PLCG2: variants seen among roughly 807,000 people sequenced by gnomAD.
PLCG2 encodes the protein phospholipase C gamma 2, also known as 1-phosphatidylinositol 4,5-bisphosphate phosphodiesterase gamma-2.
PLCG2 carries 69 observed loss-of-function variants against 175.6 expected under a neutral mutation model. The ratio of observed to expected loss-of-function variants is 0.39; its 90% CI spans 0.32 to 0.48. The LOEUF (loss-of-function observed/expected upper bound fraction) is 0.48. PLCG2 is among the 20% of genes least tolerant of loss of function. The pLI, the probability that PLCG2 is intolerant of heterozygous loss-of-function variation, is 0.91. For synonymous variants in PLCG2, 827 were observed against 624.0 expected (o/e 1.33, Z -4.85); for missense variants, 1,798 against 1,650.9 (o/e 1.09, Z -1.54).
chr16:81,785,709 C>G (rs772661744), intron 1 of PLCG2: 3 of 299,198 alleles, frequency 1.0e-5, no homozygotes, highest in Non-Finnish European at 1.9e-5. Flanking sequence ...TCAAAGCCCA[C>G]GTAACGGTTG....
intron 2 of PLCG2, among the ~76,000 whole-genome samples, chr16:81,769,016 G>GT (rs1910215028): frequency 6.6e-6 from 1 of 152,166 alleles, no homozygotes; most frequent in African/African-American, 2.4e-5. Flanking sequence ...CTGACATGTG[G>GT]TAGGTGCTCA....
chr16:81,822,640 C>G (rs567569275), intron 2 of PLCG2, among the ~76,000 whole-genome samples: 1 of 151,240 alleles, frequency 6.6e-6, no homozygotes, highest in Non-Finnish European at 1.5e-5. Flanking sequence ...ACCTGTAATC[C>G]CAGCTACTCA....
chr16:81,891,590 C>T lies in PLCG2; in HGVS notation c.986C>T (p.Thr329Met). 6.5e-7 allele frequency: 1 copy of T among 1,545,186 alleles called. No homozygotes were observed. Among genetic ancestry groups the T allele is most frequent in the Non-Finnish European group, 8.9e-7 (1 of 1,117,618 alleles). Residue 329 changes from threonine to methionine, a missense_variant and splice_region_variant, in exon 11 of 33, where the codon ACG becomes ATG. Coordinates refer to ENST00000564138, the MANE Select transcript of PLCG2 (RefSeq NM_002661.5). ...TACTGGATCTCCTCGTCACATAACA[C>T]GTGAGTTTCAGATGAGCCTGTGATG... ...SHYWISSSHN[T>M]YLTGDQLRSE... is the part of the protein sequence containing the mutation.
At chr16:81,808,240 T>G (rs1185068696) in intron 2 of PLCG2, among the ~76,000 whole-genome samples, 1 of 152,190 alleles carries the variant, frequency 6.6e-6, no homozygotes, top group African/African-American at 2.4e-5. Context: ...CACCAGCCTG[T>G]TTTCCAACGG....
At chr16:81,948,498 G>T (rs1382784261) in intron 31 of PLCG2, among the ~76,000 whole-genome samples, 1 of 152,136 alleles carries the variant, frequency 6.6e-6, no homozygotes, top group Non-Finnish European at 1.5e-5. Flanking sequence ...GGGTGGAGAG[G>T]CCCTTCTTTA....
Position 81,934,517 on chromosome 16 carries a change from C to T in PLCG2, c.2828C>T (p.Thr943Ile), listed in dbSNP as rs771302628. ...LVVYCKPTSK[T>I]KDNLENPDFR... The stretch of plus-strand genomic sequence containing the variant: ...GTCTACTGCAAACCAACCAGCAAAA[C>T]CAAGGACAACTTAGGTAACATCTTT... Residue 943 changes from threonine (T) to isoleucine (I), a missense_variant, in exon 26 of 33, where the codon ACC becomes ATC. By Grantham distance (89) the Thr-to-Ile change is moderately conservative (BLOSUM62 -1). Coordinates refer to ENST00000564138, the MANE Select transcript of PLCG2 (RefSeq NM_002661.5). 1 of 1,605,780 alleles carries T rather than the reference C, an allele frequency of 6.2e-7. No individual in the cohort carries two copies. Among genetic ancestry groups the T allele is most frequent in the Non-Finnish European group, 8.5e-7 (1 of 1,172,598 alleles).
At position 81,893,703 on chromosome 16, in the gene PLCG2, C is replaced by A. The variant is rs1908747736; in HGVS notation, c.987-6C>A. ...CTCACACGGCCACCTGCCTTCTCTC[C>A]TGCAGGTACCTTACAGGTGACCAGC... On this transcript the variant is annotated splice_polypyrimidine_tract_variant and splice_region_variant and intron_variant, in intron 11 of 32. Coordinates refer to ENST00000564138, the MANE Select transcript of PLCG2 (RefSeq NM_002661.5). 1 of 1,600,102 alleles carries A rather than the reference C, an allele frequency of 6.2e-7. No individual in the cohort carries two copies. Among genetic ancestry groups the A allele is most frequent in the Non-Finnish European group, 8.6e-7 (1 of 1,168,698 alleles).
rs372054297 is a variant in PLCG2 at position 81,870,868 on chromosome 16, A to G, written c.581A>G (p.Lys194Arg). ...TATTTACAGGAAATAGGAGCACACAAAGATGAGCTCAGCTTTGAACAGTTC... is the reference window on the plus strand; with the variant it reads ...TATTTACAGGAAATAGGAGCACACAGAGATGAGCTCAGCTTTGAACAGTTC... Reference protein sequence around the residue: ...KDKFVEIGAHKDELSFEQFHL... With the variant: ...KDKFVEIGAHRDELSFEQFHL... The change falls in exon 7 of 33, where the codon AAA (lysine) becomes AGA (arginine). Residue 194 changes from lysine (K) to arginine (R), a missense_variant. By Grantham distance (26) the Lys-to-Arg change is conservative. Transcript: ENST00000564138. The G allele has an allele frequency of 3.8e-6, 6 of 1,596,612 alleles. No homozygotes were observed. Among genetic ancestry groups the G allele is most frequent in the Non-Finnish European group, 5.1e-6 (6 of 1,170,270 alleles).
At position 81,958,026 on chromosome 16, in the gene PLCG2, G is replaced by T. The variant is rs200846103; in HGVS notation, c.*28G>T. ...GCTGGGGTATGTGTGTAAGGGTATT[G>T]TGTGTGTGCGCATGTGTGTTTGCAT... On this transcript the variant is annotated 3_prime_UTR_variant, in exon 33 of 33. Coordinates refer to ENST00000564138, the MANE Select transcript of PLCG2 (RefSeq NM_002661.5). 11 of 1,528,198 alleles carry T rather than the reference G, an allele frequency of 7.2e-6. No homozygotes were observed. The highest frequency in any genetic ancestry group is 1.7e-5 in the Admixed American group (1 of 59,852). The allele number at this position is 1,528,198 out of a possible 1,614,324, so 94.7% of individuals were successfully genotyped here. A position where few individuals can be genotyped will look rare whatever the true frequency, so the allele number is the denominator to read the frequency against.
At chr16:81,806,120 C>T (rs1293955207) in intron 2 of PLCG2, among the ~76,000 whole-genome samples, 1 of 147,090 alleles carries the variant, frequency 6.8e-6, no homozygotes, top group Non-Finnish European at 1.5e-5. Flanking sequence ...CTTCAAAATC[C>T]AGTGTGTGTT....
rs1908861416 is a variant in PLCG2, at chr16:81,895,872, A to G, written c.1138A>G (p.Ile380Val). The stretch of plus-strand genomic sequence containing the variant: ...CCATGGCTGGACGCGGACTACCAAG[A>G]TCAAGTTTGACGACGTCGTGCAGGC... The part of the protein sequence containing the change: ...IYHGWTRTTK[I>V]KFDDVVQAIK... Residue 380 changes from isoleucine (I) to valine (V), a missense_variant, in exon 13 of 33, where the codon ATC (isoleucine) becomes GTC (valine). Physicochemically the swap from Ile to Val is conservative, Grantham distance 29. Transcript: ENST00000564138. The G allele has an allele frequency of 8.1e-6, 13 of 1,613,972 alleles. No homozygotes were observed. The highest frequency in any genetic ancestry group is 1.1e-5 in the Non-Finnish European group (13 of 1,179,994).
Position 81,946,181 on chromosome 16 carries a change from G to C in PLCG2, c.3488G>C (p.Arg1163Thr). The change falls in exon 31 of 33, where the codon AGG becomes ACG. Residue 1163 changes from arginine (R) to threonine (T), a missense_variant. Coordinates refer to ENST00000564138, the MANE Select transcript of PLCG2 (RefSeq NM_002661.5). ...YPIKAVKSGF[R>T]SVPLKNGYSE... ...CCTCCTTGTTCTGCTTCAGGATTCAGGTCCGTTCCTCTGAAGAATGGGTAC... is the reference window on the plus strand; with the variant it reads ...CCTCCTTGTTCTGCTTCAGGATTCACGTCCGTTCCTCTGAAGAATGGGTAC... The C allele has an allele frequency of 6.2e-7, 1 of 1,613,346 alleles. No individual in the cohort carries two copies. The highest frequency in any genetic ancestry group is 8.5e-7 in the Non-Finnish European group (1 of 1,179,358).
At position 81,877,328 on chromosome 16, in the gene PLCG2, T is replaced by A. The variant is rs549355899; in HGVS notation, c.649-3582T>A. ...AAAATTAGCTGGGCATAGTGGCGGG[T>A]GCCTGTAGTCCCAGCTACTTGGGAG... On this transcript the variant is annotated intron_variant, in intron 7 of 32. Coordinates refer to ENST00000564138, the MANE Select transcript of PLCG2 (RefSeq NM_002661.5). Among the ~76,000 whole-genome samples, 1,397 of 149,718 alleles carry A rather than the reference T, an allele frequency of 9.3e-3. 13 individuals carry two copies. Among genetic ancestry groups the A allele is most frequent in the Middle Eastern group, 0.045 (13 of 288 alleles).
At chr16:81,878,770 A>T (rs531978618) in intron 7 of PLCG2, among the ~76,000 whole-genome samples, 2 of 152,266 alleles carry the variant, frequency 1.3e-5, no homozygotes, top group Admixed American at 1.3e-4. Context: ...TTGATGTTGT[A>T]ACTTGCCTTT....
rs115272877 is a variant in PLCG2 at position 81,746,185 on chromosome 16, G to A, written c.-145+6800G>A. On this transcript the variant is annotated intron_variant, in intron 1 of 5. Coordinates refer to the PLCG2 transcript ENST00000565054. Reference sequence around the variant, plus strand: ...AGGGCACTGTGGCACAAACAAGGCCGGCCTGCTGGATAAAGGGAGGTAGAA... The same window carrying A: ...AGGGCACTGTGGCACAAACAAGGCCAGCCTGCTGGATAAAGGGAGGTAGAA... 7.2e-3 allele frequency among the ~76,000 whole-genome samples: 1,104 copies of A among 152,292 alleles called. 8 individuals carry two copies. Among genetic ancestry groups the A allele is most frequent in the African/African-American group, 0.025 (1,051 of 41,544 alleles).
intron 1 of PLCG2, among the ~76,000 whole-genome samples, chr16:81,742,164 G>C (rs1032507211): frequency 1.5e-5 from 2 of 129,654 alleles, no homozygotes; most frequent in Non-Finnish European, 3.3e-5. Flanking sequence ...CGGGGGGGGG[G>C]GCGGTGTTGG....
intron 24 of PLCG2, among the ~76,000 whole-genome samples, chr16:81,929,872 G>C (rs939143371): frequency 1.3e-5 from 2 of 152,240 alleles, no homozygotes; most frequent in African/African-American, 4.8e-5. Context: ...TCCACTTCTG[G>C]TGCTCTTTGT....
In PLCG2 at chr16:81,928,539, A is replaced by T; in HGVS notation, c.2515-19A>T. Reference sequence around the variant, plus strand: ...ATTCCCGTTACAACTAACGTGAGTTATGTCTTGTTTCTTCACAGATTATTG... The same window carrying T: ...ATTCCCGTTACAACTAACGTGAGTTTTGTCTTGTTTCTTCACAGATTATTG... On this transcript the variant is annotated intron_variant, in intron 23 of 32. Transcript: ENST00000564138. The T allele has an allele frequency of 2.0e-6, 3 of 1,536,822 alleles. No homozygotes were observed. The African/African-American group carries it at 4.1e-5, about 21-fold the overall frequency.
In PLCG2 at chr16:81,791,488, C is replaced by A. The variant is rs568776655; in HGVS notation, c.193+5306C>A. Among the ~76,000 whole-genome samples the A allele has an allele frequency of 2.0e-5, 3 of 152,304 alleles. No individual in the cohort carries two copies. In the East Asian group the frequency reaches 5.8e-4, roughly 29 times the overall value. On this transcript the variant is annotated intron_variant, in intron 2 of 32. Transcript: ENST00000564138. ...CTGAGGTCATTTGGTGTCACCTCGC[C>A]TGGAAGGTTCCAGAATCTTCACTCA...
Sources: allele counts gnomAD v4.1 joint callset (sites outside exome capture counted in the v4.1 genomes callset), GRCh38; gene constraint gnomAD v4.1.1; transcripts MANE v1.5; gene names NCBI Gene and HGNC (gene_info 2026-07-23, HGNC 2026-07-21).